Variants in GABRA3 observed in about 807,000 individuals in gnomAD.
GABRA3 encodes gamma-aminobutyric acid type A receptor subunit alpha3, also known as gamma-aminobutyric acid receptor subunit alpha-3.
In GABRA3, 10 loss-of-function variants were observed where a neutral mutation model predicts 30.1. The ratio of observed to expected loss-of-function variants is 0.33; its 90% confidence interval spans 0.20 to 0.56. The LOEUF (loss-of-function observed/expected upper bound fraction) is 0.56, where lower values mean the gene tolerates loss of function less well. Ranked by LOEUF, GABRA3 falls within the 20% of genes least tolerant of loss-of-function variation. The pLI is 0.89. For missense variants in GABRA3, 233 were observed against 392.0 expected (o/e 0.59, Z 3.42); for synonymous variants, 151 against 146.8 (o/e 1.03, Z -0.21).
At chrX:152,436,700 G>T (rs1484564224) in intron 1 of GABRA3, among the ~76,000 whole-genome samples, 1 of 111,285 alleles carries the variant, frequency 9.0e-6, no homozygotes, top group Non-Finnish European at 1.9e-5. Flanking sequence ...TATTGTATAT[G>T]CCTGGAACAT....
chrX:152,237,318 T>C (rs201110313), intron 5 of GABRA3, among the ~76,000 whole-genome samples: 12,619 of 107,373 alleles, frequency 0.12, 702 homozygotes, highest in Admixed American at 0.2. Flanking sequence ...ATATGTGGTG[T>C]TATTTCTGAG....
intron 3 of GABRA3, among the ~76,000 whole-genome samples, chrX:152,322,850 T>A (rs1314840071): frequency 3.8e-5 from 3 of 78,110 alleles, no homozygotes; most frequent in Non-Finnish European, 7.6e-5. Flanking sequence ...TACTCTTTTT[T>A]TTTTTTTTTT....
intron 3 of GABRA3, among the ~76,000 whole-genome samples, chrX:152,333,085 CT>C (rs1962355167): frequency 1.8e-5 from 2 of 111,662 alleles, no homozygotes; most frequent in East Asian, 5.7e-4. Context: ...TTTTGTGATC[CT>C]TGGCATTGCT....
At chrX:152,327,678 A>T (rs1018467791) in intron 3 of GABRA3, among the ~76,000 whole-genome samples, 1 of 111,887 alleles carries the variant, frequency 8.9e-6, no homozygotes, top group Non-Finnish European at 1.9e-5. Context: ...AACATACCAG[A>T]ATCTCTGGGA....
intron 3 of GABRA3, among the ~76,000 whole-genome samples, chrX:152,323,399 C>T (rs1259191525): frequency 2.7e-5 from 3 of 111,529 alleles, no homozygotes; most frequent in Admixed American, 1.9e-4. Flanking sequence ...ATTCCTTGAA[C>T]GGGAAAGTTT....
intron 3 of GABRA3, among the ~76,000 whole-genome samples, chrX:152,291,013 A>G (rs1204878923): frequency 9.0e-6 from 1 of 111,607 alleles, no homozygotes; most frequent in East Asian, 2.8e-4. Flanking sequence ...TTTTGGTTCC[A>G]TATGAACTTT....
Position 152,267,953 on chromosome X carries a change from ATCT to A in GABRA3, c.331-11958_331-11956del, listed in dbSNP as rs762499649. Among the ~76,000 whole-genome samples the A allele has an allele frequency of 8.4e-3, 918 of 109,903 alleles. 3 individuals are homozygous for A. The highest frequency in any genetic ancestry group is 0.039 in the South Asian group (102 of 2,613). ...TTCAAAAAAACAAGTTTTTTCATTGATCTTCTGTATATTTTGTTTTAATTTCAT... is the reference window on the plus strand; with the variant it reads ...TTCAAAAAAACAAGTTTTTTCATTGATCTGTATATTTTGTTTTAATTTCAT... On this transcript the variant is annotated intron_variant, in intron 4 of 9. Coordinates refer to ENST00000370314, the MANE Select transcript of GABRA3 (RefSeq NM_000808.4).
chrX:152,378,794 A>G (rs1569412656), intron 1 of GABRA3, among the ~76,000 whole-genome samples: 1 of 110,339 alleles, frequency 9.1e-6, no homozygotes, highest in Non-Finnish European at 1.9e-5. Flanking sequence ...AACACATAAG[A>G]AAACAGAAAA....
At chrX:152,374,337 C>CTTTTTTTTTTTTTT (rs55927249) in intron 1 of GABRA3, among the ~76,000 whole-genome samples, 1 of 41,678 alleles carries the variant, frequency 2.4e-5, no homozygotes, top group Non-Finnish European at 4.2e-5. Context: ...CTTTTCTTTT[C>CTTTTTTTTTTTTTT]TTTTTTTTTT....
intron 1 of GABRA3, among the ~76,000 whole-genome samples, chrX:152,395,996 G>T (rs1385980227): frequency 8.9e-6 from 1 of 111,994 alleles, no homozygotes; most frequent in Non-Finnish European, 1.9e-5. Flanking sequence ...ACAAAAGAGG[G>T]GCACTGAAGT....
chrX:152,225,418 G>GCACACACACACA (rs752056820), intron 5 of GABRA3, among the ~76,000 whole-genome samples: 1 of 56,033 alleles, frequency 1.8e-5, no homozygotes, highest in Admixed American at 2.6e-4. Flanking sequence ...ACACACACAC[G>GCACACACACACA]CACACACACA....
intron 3 of GABRA3, among the ~76,000 whole-genome samples, chrX:152,329,144 A>G (rs1234170296): frequency 9.9e-5 from 11 of 111,648 alleles, no homozygotes; most frequent in Admixed American, 4.8e-4. Flanking sequence ...TACAAGGGAC[A>G]TGAAGGACCT....
chrX:152,244,621 C>A (rs920209180), intron 5 of GABRA3, among the ~76,000 whole-genome samples: 1 of 111,176 alleles, frequency 9.0e-6, no homozygotes, highest in African/African-American at 3.3e-5. Flanking sequence ...TTTATTATAG[C>A]AGTTCAAATG....
At chrX:152,260,555 GT>G (rs1938712702) in intron 4 of GABRA3, among the ~76,000 whole-genome samples, 15 of 111,672 alleles carry the variant, frequency 1.3e-4, no homozygotes, top group Admixed American at 6.6e-4. Context: ...GACTTAATTT[GT>G]TTGAAAGTTA....
chrX:152,363,086 AT>A (rs1321083004), intron 2 of GABRA3, among the ~76,000 whole-genome samples: 3 of 111,732 alleles, frequency 2.7e-5, no homozygotes, highest in African/African-American at 9.8e-5. Context: ...GCATTTACAT[AT>A]ATAAGGTAAC....
At chrX:152,216,154 G>T (rs1937716146) in intron 6 of GABRA3, among the ~76,000 whole-genome samples, 2 of 110,299 alleles carry the variant, frequency 1.8e-5, no homozygotes, top group Admixed American at 9.7e-5. Context: ...ATGCAAATTG[G>T]TACTGCCAGT....
At chrX:152,316,693 G>C (rs1430388650) in intron 3 of GABRA3, among the ~76,000 whole-genome samples, 3 of 111,864 alleles carry the variant, frequency 2.7e-5, no homozygotes, top group African/African-American at 9.7e-5. Context: ...GAAAGGATTG[G>C]GGCCCTCGCT....
intron 1 of GABRA3, chrX:152,392,268 A>T (rs1929508086): frequency 2.6e-6 from 1 of 385,369 alleles, no homozygotes; most frequent in African/African-American, 2.6e-5. Flanking sequence ...AGCAGCCACC[A>T]CAGGAGTCTG....
intron 2 of GABRA3, among the ~76,000 whole-genome samples, chrX:152,350,777 CTATCTA>C (rs1940467748): frequency 9.0e-6 from 1 of 111,631 alleles, no homozygotes. Flanking sequence ...AGAGGAATCA[CTATCTA>C]TGGAAGCTAT....
Sources: allele counts gnomAD v4.1 joint callset (sites outside exome capture counted in the v4.1 genomes callset), GRCh38; gene constraint gnomAD v4.1.1; transcripts MANE v1.5; gene names NCBI Gene and HGNC (gene_info 2026-07-23, HGNC 2026-07-21).